The following INTS7 variants were observed in gnomAD, a reference collection of about 807,000 sequenced individuals.
INTS7 encodes the protein chromosome 1 open reading frame 73.
A neutral mutation model predicts 109.2 loss-of-function variants in INTS7; 46 were observed. The observed-to-expected ratio is 0.42, with a 90% CI of 0.33 to 0.54. INTS7 has a LOEUF of 0.54. INTS7 is among the 20% of genes least tolerant of loss of function. INTS7 has a pLI of 0.07. For missense variants in INTS7, 929 were observed against 1,132.4 expected (o/e 0.82, Z 2.58); for synonymous variants, 412 against 402.9 (o/e 1.02, Z -0.27).
chr1:211,965,687 C>T (rs535328836), intron 16 of INTS7, among the ~76,000 whole-genome samples: 26 of 152,190 alleles, frequency 1.7e-4, no homozygotes, highest in African/African-American at 6.3e-4. Flanking sequence ...AGCAAACTAA[C>T]GCAGGAACAG....
chr1:212,034,830 T>C (rs1366276607), intron 1 of INTS7, among the ~76,000 whole-genome samples: 1 of 152,204 alleles, frequency 6.6e-6, no homozygotes. Context: ...ACAGAACTCC[T>C]GGAACTTGTC....
In INTS7 at chr1:212,011,167, G is replaced by A. The variant is rs192630794; in HGVS notation, c.556+208C>T. 2.1e-3 allele frequency among the ~76,000 whole-genome samples: 302 copies of A among 143,898 alleles called. 1 individual carries two copies. Among genetic ancestry groups the A allele is most frequent in the Non-Finnish European group, 2.9e-3 (180 of 62,624 alleles). 94.4% of individuals were successfully genotyped at this position (143,898 alleles called of 152,430 possible). A position where few individuals can be genotyped will look rare whatever the true frequency, so the allele number is the denominator to read the frequency against. On this transcript the variant is annotated intron_variant, in intron 5 of 19. Coordinates refer to ENST00000366994, the MANE Select transcript of INTS7 (RefSeq NM_015434.4). ...GTCTATCCCCACACACCCCACCCCT[G>A]ACTAGAGTGTAGGTTAGATGGGGGT...
At chr1:212,011,563 G>T in intron 4 of INTS7, 142 bp from the exon 5 acceptor site, 1 of 612,324 alleles carries the variant, frequency 1.6e-6, no homozygotes, top group African/African-American at 1.9e-5. Context: ...AGGTGCTCGG[G>T]TTAGGGGAGG....
At chr1:211,989,843 T>C (rs1041003433) in intron 7 of INTS7, among the ~76,000 whole-genome samples, 10 of 151,760 alleles carry the variant, frequency 6.6e-5, no homozygotes, top group African/African-American at 2.2e-4. Flanking sequence ...AAAAAAGTTC[T>C]TACTAATAGG....
At chr1:211,952,506 C>A in intron 17 of INTS7, 63 bp downstream of exon 17, 1 of 1,536,544 alleles carries the variant, frequency 6.5e-7, no homozygotes, top group Non-Finnish European at 8.9e-7. Flanking sequence ...ACAGTAAGTG[C>A]CATAAATGTA....
intron 16 of INTS7, among the ~76,000 whole-genome samples, chr1:211,960,008 G>C (rs930528735): frequency 2.6e-5 from 4 of 152,336 alleles, no homozygotes; most frequent in Non-Finnish European, 5.9e-5. Context: ...AACTGAGGAT[G>C]GATCCTGCTG....
At chr1:212,009,544 G>A (rs190870324) in intron 5 of INTS7, among the ~76,000 whole-genome samples, 4 of 152,264 alleles carry the variant, frequency 2.6e-5, no homozygotes, top group Admixed American at 2.0e-4. Flanking sequence ...TTCTCAAAGT[G>A]GTCCTCCTGA....
At chr1:212,028,119 G>A (rs1466006954) in intron 1 of INTS7, among the ~76,000 whole-genome samples, 4 of 152,132 alleles carry the variant, frequency 2.6e-5, no homozygotes, top group Admixed American at 6.5e-5. Flanking sequence ...GAGCCACTGC[G>A]CCCAGCCAGC....
rs138657185 is a variant in INTS7 at position 211,965,715 on chromosome 1, G to A, written c.2183+715C>T. Among the ~76,000 whole-genome samples the A allele has an allele frequency of 7.0e-3, 1,065 of 152,276 alleles. 5 individuals carry two copies. Among genetic ancestry groups the A allele is most frequent in the Middle Eastern group, 0.014 (4 of 294 alleles). ...AGGAACAGAAAACCAAATACCACAC[G>A]TTCTCACTTAGAAGTGGGAGATAAA... is the stretch of plus-strand genomic sequence containing the variant. On this transcript the variant is annotated intron_variant, in intron 16 of 19. Coordinates refer to ENST00000366994, the MANE Select transcript of INTS7 (RefSeq NM_015434.4).
At chr1:212,004,867 G>A (rs1197573054) in intron 7 of INTS7, among the ~76,000 whole-genome samples, 1 of 152,152 alleles carries the variant, frequency 6.6e-6, no homozygotes, top group Non-Finnish European at 1.5e-5. Context: ...TTCTAAACTG[G>A]TAAAAAACGT....
intron 10 of INTS7, 76 bp downstream of exon 10, chr1:211,981,017 G>A (rs1253655781): frequency 2.4e-5 from 18 of 761,988 alleles, no homozygotes; most frequent in African/African-American, 3.5e-5. Context: ...CAGGAGCTAT[G>A]TCTGCTTAAC....
At chr1:212,015,389 GTTAATCTATAACC>G (rs1666378067) in intron 4 of INTS7, among the ~76,000 whole-genome samples, 1 of 152,156 alleles carries the variant, frequency 6.6e-6, no homozygotes, top group South Asian at 2.1e-4. Flanking sequence ...TTGGGATGCT[GTTAATCTATAACC>G]TTACCCCCAA....
intron 1 of INTS7, among the ~76,000 whole-genome samples, chr1:212,026,331 T>G (rs1256252056): frequency 1.3e-5 from 2 of 152,200 alleles, no homozygotes; most frequent in Non-Finnish European, 2.9e-5. Context: ...AGGAAAATAA[T>G]AGCACTATCG....
intron 5 of INTS7, among the ~76,000 whole-genome samples, chr1:212,007,741 T>C (rs1019784471): frequency 6.6e-6 from 1 of 152,150 alleles, no homozygotes; most frequent in African/African-American, 2.4e-5. Flanking sequence ...TTCCTCTCAT[T>C]GTCATAGTAA....
At chr1:212,000,096 C>T (rs998457002) in intron 7 of INTS7, among the ~76,000 whole-genome samples, 4 of 151,388 alleles carry the variant, frequency 2.6e-5, no homozygotes, top group Non-Finnish European at 4.4e-5. Flanking sequence ...CACAGTGAGA[C>T]TCTGTCTCAA....
Position 211,941,094 on chromosome 1 carries a change from A to G in INTS7, c.*730T>C, listed in dbSNP as rs1035950423. 4 of 152,260 alleles carry G rather than the reference A, an allele frequency of 2.6e-5. No homozygotes were observed. Among genetic ancestry groups the G allele is most frequent in the African/African-American group, 9.6e-5 (4 of 41,464 alleles). 9.4% of individuals were successfully genotyped at this position (152,260 alleles called of 1,614,324 possible). ...CTGGATGTTGCACGGAACACTTTCA[A>G]GTCCATCTACAGAAGGACTCAGGTT... On this transcript the variant is annotated 3_prime_UTR_variant, in exon 20 of 20. Coordinates refer to ENST00000366994, the MANE Select transcript of INTS7 (RefSeq NM_015434.4).
intron 16 of INTS7, among the ~76,000 whole-genome samples, chr1:211,954,651 G>C (rs1235221288): frequency 6.6e-6 from 1 of 152,154 alleles, no homozygotes; most frequent in African/African-American, 2.4e-5. Context: ...TATTAAATAG[G>C]GAATCCTTTC....
chr1:211,970,070 C>G (rs1397891079), intron 13 of INTS7, among the ~76,000 whole-genome samples: 1 of 152,024 alleles, frequency 6.6e-6, no homozygotes, highest in African/African-American at 2.4e-5. Flanking sequence ...GTTGCTCAGG[C>G]TGGCCTCAAA....
intron 9 of INTS7, among the ~76,000 whole-genome samples, chr1:211,982,113 T>C (rs990083388): frequency 3.9e-5 from 6 of 152,204 alleles, no homozygotes; most frequent in Admixed American, 2.0e-4. Flanking sequence ...AAAATGCATT[T>C]CTTGTTCTTG....
Sources: gnomAD v4.1 joint callset for allele counts (sites outside exome capture counted in the v4.1 genomes callset) on GRCh38, gnomAD v4.1.1 for gene constraint, MANE v1.5 for transcripts, NCBI Gene and HGNC (gene_info 2026-07-23, HGNC 2026-07-21) for gene names.